The following L3MBTL1 variants were observed in gnomAD, a reference collection of about 807,000 sequenced individuals.
L3MBTL1 encodes lethal(3)malignant brain tumor-like protein 1.
In L3MBTL1, 75 loss-of-function variants were observed where a neutral mutation model predicts 105.3. The ratio of observed to expected loss-of-function variants is 0.71; its 90% CI spans 0.59 to 0.86. The LOEUF is 0.86. Among genes scored for constraint, L3MBTL1 ranks in the 40% least tolerant of loss-of-function variants. L3MBTL1 has a pLI of 0.00. For synonymous variants in L3MBTL1, 452 were observed against 436.2 expected (o/e 1.04, Z -0.45); for missense variants, 1,069 against 1,126.4 (o/e 0.95, Z 0.73).
At position 43,534,026 on chromosome 20, in the gene L3MBTL1, A is replaced by C; in HGVS notation, c.1532A>C (p.Asn511Thr). The change falls in exon 14 of 22, where the codon AAC (asparagine) becomes ACC (threonine). Residue 511 changes from asparagine to threonine, a missense_variant. Asn to Thr is a moderately conservative substitution (Grantham distance 65, BLOSUM62 0). Coordinates refer to ENST00000418998, the MANE Select transcript of L3MBTL1 (RefSeq NM_001377303.1). Reference sequence around the variant, plus strand: ...CCTCCAGACTACCCAGACCCTGATAACTTCTGTTGGGAGAAATATCTGGAA... The same window carrying C: ...CCTCCAGACTACCCAGACCCTGATACCTTCTGTTGGGAGAAATATCTGGAA... The part of the protein sequence containing the change: ...TPPQDYPDPD[N>T]FCWEKYLEET... 1.9e-6 allele frequency: 3 copies of C among 1,613,930 alleles called. No individual in the cohort carries two copies. The highest frequency in any genetic ancestry group is 2.5e-6 in the Non-Finnish European group (3 of 1,179,910).
chr20:43,547,610 C>A (rs117283732), intron 18 of L3MBTL1, among the ~76,000 whole-genome samples: 3 of 152,102 alleles, frequency 2.0e-5, no homozygotes, highest in African/African-American at 4.8e-5. Flanking sequence ...CCCCTGCCCC[C>A]CTCTGCTTTT....
intron 7 of L3MBTL1, among the ~76,000 whole-genome samples, chr20:43,522,456 A>ATTTTTTTTTTTTTT (rs778355165): frequency 7.8e-5 from 7 of 89,942 alleles, no homozygotes; most frequent in East Asian, 4.2e-4. Context: ...TTCCCTGCTA[A>ATTTTTTTTTTTTTT]GTTTTTTTTT....
chr20:43,515,602 ACT>A (rs937517720), intron 6 of L3MBTL1, 187 bp downstream of exon 6: 6 of 683,596 alleles, frequency 8.8e-6, no homozygotes, highest in African/African-American at 7.2e-5. Flanking sequence ...TGAATTAATC[ACT>A]CTCTTGATTT....
Position 43,533,378 on chromosome 20 carries a change from C to G in L3MBTL1, c.1473C>G (p.Gly491=). The part of the protein sequence containing the change: ...DPSSPYIHPV[G]WCQKQGKPLT... Reference sequence around the variant, plus strand: ...GCAGCCCCTACATCCACCCAGTGGGCTGGTGCCAGAAGCAAGGAAAGCCCC... The same window carrying G: ...GCAGCCCCTACATCCACCCAGTGGGGTGGTGCCAGAAGCAAGGAAAGCCCC... The change falls in exon 13 of 22, where the codon GGC becomes GGG. Residue 491 remains glycine (G), a synonymous_variant. Transcript: ENST00000418998. 1 of 1,613,966 alleles carries G rather than the reference C, an allele frequency of 6.2e-7. No individual in the cohort carries two copies. The highest frequency in any genetic ancestry group is 1.1e-5 in the South Asian group (1 of 91,060).
chr20:43,544,673 A>G (rs919801119), downstream of L3MBTL1, among the ~76,000 whole-genome samples: 3 of 152,206 alleles, frequency 2.0e-5, no homozygotes, highest in Admixed American at 6.5e-5. Flanking sequence ...AATGATAAGA[A>G]CTGAAATCCT....
At chr20:43,525,256 T>C (rs754801521) in intron 7 of L3MBTL1, among the ~76,000 whole-genome samples, 22 of 152,168 alleles carry the variant, frequency 1.4e-4, no homozygotes, top group Non-Finnish European at 2.8e-4. Flanking sequence ...AGTTTGGTTT[T>C]AGATCAGGCT....
At chr20:43,536,004 G>T in intron 17 of L3MBTL1, 68 bp downstream of exon 17, 1 of 1,588,528 alleles carries the variant, frequency 6.3e-7, no homozygotes, top group Non-Finnish European at 8.6e-7. Context: ...GGCGACTGGG[G>T]TCCACCAAAA....
chr20:43,516,489 A>T (rs1448353914), intron 7 of L3MBTL1, among the ~76,000 whole-genome samples: 1 of 152,190 alleles, frequency 6.6e-6, no homozygotes, highest in Admixed American at 6.5e-5. Flanking sequence ...ACCACATGTC[A>T]TTGCTTCTCT....
intron 7 of L3MBTL1, among the ~76,000 whole-genome samples, chr20:43,526,488 C>T (rs944843745): frequency 1.3e-5 from 2 of 152,154 alleles, no homozygotes; most frequent in Non-Finnish European, 2.9e-5. Context: ...ATGTTATACT[C>T]AGGACAAAGG....
At position 43,532,915 on chromosome 20, in the gene L3MBTL1, A is replaced by T. The variant is rs201841566; in HGVS notation, c.1427A>T (p.Tyr476Phe). 74 of 1,613,924 alleles carry T rather than the reference A, an allele frequency of 4.6e-5. No individual in the cohort carries two copies. Among genetic ancestry groups the T allele is most frequent in the Admixed American group, 4.3e-4 (26 of 59,998 alleles). The change falls in exon 12 of 22, where the codon TAT (tyrosine) becomes TTT (phenylalanine). Residue 476 changes from tyrosine to phenylalanine, a missense_variant. Tyr to Phe is a conservative substitution (Grantham distance 22). Transcript: ENST00000418998. ...LVHFDNWDDT[Y>F]DYWCDPSSPY... ...CACTTTGACAACTGGGATGATACTT[A>T]TGACTACTGGTAGTAGGAGGGCCCA...
intron 1 of L3MBTL1, among the ~76,000 whole-genome samples, chr20:43,513,252 T>C (rs1241635977): frequency 6.6e-6 from 1 of 152,142 alleles, no homozygotes. Flanking sequence ...ATCCTTACCA[T>C]CCTTACAGAG....
downstream of L3MBTL1, among the ~76,000 whole-genome samples, chr20:43,545,063 A>T (rs1284789162): frequency 1.3e-5 from 2 of 152,034 alleles, no homozygotes. Flanking sequence ...GAACTTCGAG[A>T]TCTCCCTGGC....
Position 43,536,283 on chromosome 20 carries a change from C to T in L3MBTL1, c.2112C>T (p.Arg704=), listed in dbSNP as rs769862105. The T allele has an allele frequency of 1.2e-6, 2 of 1,612,728 alleles. No individual in the cohort carries two copies. Among genetic ancestry groups the T allele is most frequent in the Non-Finnish European group, 8.5e-7 (1 of 1,179,572 alleles). ...GCTTCTCCCCAAGGAAGAAGCCTCGCCATCACGGCCGGTATGGAGGCCAGG... is the reference window on the plus strand; with the variant it reads ...GCTTCTCCCCAAGGAAGAAGCCTCGTCATCACGGCCGGTATGGAGGCCAGG... ...LSGFSPRKKP[R]HHGRIGRPPK... is the part of the protein sequence containing the mutation. Residue 704 remains arginine, a synonymous_variant, in exon 18 of 22, where the codon CGC becomes CGT. Transcript: ENST00000418998.
chr20:43,521,758 G>GC (rs2018716612), intron 7 of L3MBTL1, among the ~76,000 whole-genome samples: 1 of 152,020 alleles, frequency 6.6e-6, no homozygotes, highest in Non-Finnish European at 1.5e-5. Flanking sequence ...TTACTGTGTT[G>GC]CCCAGACTGG....
chr20:43,548,314 A>G, exon 19 of L3MBTL1: 2 of 1,248,722 alleles, frequency 1.6e-6, no homozygotes, highest in Non-Finnish European at 2.1e-6. Context: ...TTTCTTCCTG[A>G]CCTGAATTCC....
intron 7 of L3MBTL1, among the ~76,000 whole-genome samples, chr20:43,522,147 G>A (rs1425674108): frequency 6.6e-6 from 1 of 152,130 alleles, no homozygotes; most frequent in East Asian, 1.9e-4. Flanking sequence ...ACGAGGTCAG[G>A]AGATTGAGAC....
intron 6 of L3MBTL1, chr20:43,515,694 G>A (rs1389027801): frequency 2.1e-6 from 1 of 470,334 alleles, no homozygotes; most frequent in African/African-American, 1.9e-5. Context: ...TGTGCAGGCA[G>A]CTGGAAAACT....
At chr20:43,525,180 A>G (rs1328609345) in intron 7 of L3MBTL1, among the ~76,000 whole-genome samples, 3 of 151,800 alleles carry the variant, frequency 2.0e-5, no homozygotes, top group Non-Finnish European at 2.9e-5. Context: ...GGATGAATGG[A>G]TGGTGGCGCC....
intron 19 of L3MBTL1, among the ~76,000 whole-genome samples, chr20:43,537,655 T>C (rs1239394351): frequency 6.6e-6 from 1 of 152,108 alleles, no homozygotes; most frequent in Non-Finnish European, 1.5e-5. Context: ...GGTGGTGAAT[T>C]CATCTTACAT....
Sources: allele counts gnomAD v4.1 joint callset (sites outside exome capture counted in the v4.1 genomes callset), GRCh38; gene constraint gnomAD v4.1.1; transcripts MANE v1.5; gene names NCBI Gene and HGNC (gene_info 2026-07-23, HGNC 2026-07-21).